The following TMEM135 variants were observed in gnomAD, a reference collection of about 807,000 sequenced individuals.
TMEM135 encodes the protein peroxisomal membrane protein 52.
TMEM135 carries 30 observed loss-of-function variants against 60.3 expected under a neutral mutation model. The ratio of observed to expected loss-of-function variants is 0.50; its 90% CI spans 0.37 to 0.68. TMEM135 has a LOEUF of 0.68. TMEM135 is among the 30% of genes least tolerant of loss of function. The pLI is 0.00. For synonymous variants in TMEM135, 190 were observed against 186.7 expected (o/e 1.02, Z -0.14); for missense variants, 468 against 548.8 (o/e 0.85, Z 1.47).
intron 6 of TMEM135, among the ~76,000 whole-genome samples, chr11:87,272,502 C>T (rs539392494): frequency 3.9e-5 from 6 of 151,906 alleles, no homozygotes; most frequent in African/African-American, 7.2e-5. Flanking sequence ...ACTCTGTCAC[C>T]CAGGCTGAAG....
rs1272726378 is a variant in TMEM135, at chr11:87,245,100, C to T, written c.509+8416C>T. ...AACATCTTTATTTCTGCCTTCATTT[C>T]GTTATGTACTCAGTAGTCATTCAGG... On this transcript the variant is annotated intron_variant, in intron 6 of 14. Transcript: ENST00000305494. Among the ~76,000 whole-genome samples, 80 of 132,708 alleles carry T rather than the reference C, an allele frequency of 6.0e-4. 1 individual carries two copies. The highest frequency in any genetic ancestry group is 1.9e-3 in the South Asian group (7 of 3,744). The allele number at this position is 132,708 out of a possible 152,430, so 87.1% of individuals were successfully genotyped here.
Position 87,325,177 on chromosome 11 carries a change from G to A in TMEM135, c.*3844G>A, listed in dbSNP as rs1339729186. The stretch of plus-strand genomic sequence containing the variant: ...AGATTCTAGGGCTTTGTAGTACTAT[G>A]TTTCTGTTTAAAGTAGTGGCCTCAG... On this transcript the variant is annotated 3_prime_UTR_variant, in exon 15 of 15. Coordinates refer to ENST00000305494, the MANE Select transcript of TMEM135 (RefSeq NM_022918.4). 3 of 454,034 alleles carry A rather than the reference G, an allele frequency of 6.6e-6. No homozygotes were observed. In the Admixed American group the frequency reaches 7.0e-5, roughly 11 times the overall value. 28.1% of individuals were successfully genotyped at this position (454,034 alleles called of 1,614,324 possible).
At chr11:87,188,231 A>G (rs1303127852) in intron 5 of TMEM135, among the ~76,000 whole-genome samples, 1 of 152,138 alleles carries the variant, frequency 6.6e-6, no homozygotes, top group Admixed American at 6.5e-5. Flanking sequence ...AATCTCATAC[A>G]GAGGGCTTTA....
At chr11:87,305,804 T>TAAATAAATAAATAAATAAATAAAG (rs1026222945) in intron 8 of TMEM135, 132 bp from the exon 9 acceptor site, 39 of 412,442 alleles carry the variant, frequency 9.5e-5, no homozygotes, top group Middle Eastern at 7.3e-4. Flanking sequence ...AATAAATAAA[T>TAAATAAATAAATAAATAAATAAAG]AAAGTGATGT....
chr11:87,091,286 T>C, intron 3 of TMEM135, 76 bp from the exon 4 acceptor site: 2 of 1,292,218 alleles, frequency 1.5e-6, no homozygotes, highest in Non-Finnish European at 2.2e-6. Flanking sequence ...ATTCTTTTTA[T>C]AGACTTCTAA....
Position 87,243,330 on chromosome 11 carries a change from A to T in TMEM135, c.509+6646A>T, listed in dbSNP as rs1441482908. 4.8e-5 allele frequency among the ~76,000 whole-genome samples: 7 copies of T among 147,146 alleles called. No individual in the cohort carries two copies. In the East Asian group the frequency reaches 1.2e-3, roughly 25 times the overall value. On this transcript the variant is annotated intron_variant, in intron 6 of 14. Transcript: ENST00000305494. ...CTTTTGGCTTAGGATTGACTTGGTG[A>T]TGCAGGCTCTTTTTTGGTTCCATAT...
At chr11:87,187,785 T>G (rs1939690192) in intron 5 of TMEM135, among the ~76,000 whole-genome samples, 1 of 152,222 alleles carries the variant, frequency 6.6e-6, no homozygotes, top group African/African-American at 2.4e-5. Flanking sequence ...CTAGCCACCA[T>G]CCAATTACAA....
intron 5 of TMEM135, among the ~76,000 whole-genome samples, chr11:87,230,629 A>T (rs571080871): frequency 6.5e-4 from 99 of 152,234 alleles, no homozygotes; most frequent in Non-Finnish European, 1.2e-3. Context: ...ATATGTGCAG[A>T]TGTATACTTT....
chr11:87,302,782 C>T (rs1942471334), intron 8 of TMEM135, among the ~76,000 whole-genome samples: 1 of 151,988 alleles, frequency 6.6e-6, no homozygotes, highest in Non-Finnish European at 1.5e-5. Flanking sequence ...AAGAAGGAAG[C>T]AAAATTCCTG....
intron 5 of TMEM135, among the ~76,000 whole-genome samples, chr11:87,224,893 T>A (rs1310812624): frequency 6.6e-6 from 1 of 152,064 alleles, no homozygotes; most frequent in East Asian, 1.9e-4. Flanking sequence ...TCTTACTATA[T>A]ATGTAAACAA....
At chr11:87,318,265 G>T in intron 13 of TMEM135, 30 bp downstream of exon 13, 2 of 1,441,412 alleles carry the variant, frequency 1.4e-6, no homozygotes, top group South Asian at 1.1e-5. Context: ...ATGAGAAATT[G>T]AATGATTCCT....
chr11:87,279,288 C>A (rs1336819796), intron 6 of TMEM135, among the ~76,000 whole-genome samples: 1 of 152,038 alleles, frequency 6.6e-6, no homozygotes, highest in Non-Finnish European at 1.5e-5. Context: ...GATGGTGTGT[C>A]TACTTCTTTT....
At chr11:87,165,659 C>T (rs1036139165) in intron 5 of TMEM135, among the ~76,000 whole-genome samples, 5 of 151,282 alleles carry the variant, frequency 3.3e-5, no homozygotes, top group Non-Finnish European at 7.4e-5. Context: ...AGCTGTGAAT[C>T]CATCTGGTCC....
intron 5 of TMEM135, among the ~76,000 whole-genome samples, chr11:87,162,575 A>G (rs964220009): frequency 5.9e-5 from 9 of 152,120 alleles, no homozygotes; most frequent in African/African-American, 2.2e-4. Context: ...GCTGCATAGT[A>G]TTCCATGGTG....
intron 4 of TMEM135, among the ~76,000 whole-genome samples, chr11:87,134,214 C>T (rs1047994620): frequency 6.6e-6 from 1 of 152,116 alleles, no homozygotes; most frequent in African/African-American, 2.4e-5. Context: ...TGTTTTCTCC[C>T]TGTGCCTTCA....
intron 7 of TMEM135, among the ~76,000 whole-genome samples, chr11:87,299,663 T>C (rs889401346): frequency 5.9e-5 from 9 of 152,206 alleles, no homozygotes; most frequent in African/African-American, 1.7e-4. Context: ...GAGCCAGATA[T>C]AGTCTCTGTT....
chr11:87,200,694 T>G (rs1405444569), intron 5 of TMEM135, among the ~76,000 whole-genome samples: 1 of 152,194 alleles, frequency 6.6e-6, no homozygotes, highest in African/African-American at 2.4e-5. Context: ...AACAAATGTA[T>G]AATGACATGT....
At chr11:87,097,342 A>C (rs748983771) in intron 4 of TMEM135, among the ~76,000 whole-genome samples, 3 of 152,120 alleles carry the variant, frequency 2.0e-5, no homozygotes, top group Non-Finnish European at 2.9e-5. Flanking sequence ...CTATACCTAA[A>C]AGCAACTGGA....
At position 87,138,230 on chromosome 11, in the gene TMEM135, A is replaced by G. The variant is rs190781253; in HGVS notation, c.397-19111A>G. Among the ~76,000 whole-genome samples, 51 of 151,892 alleles carry G rather than the reference A, an allele frequency of 3.4e-4. No individual in the cohort carries two copies. In the East Asian group the frequency reaches 9.7e-3, roughly 29 times the overall value. ...CTCAGCCTTCCAAGTAGCTGGGATT[A>G]CAGGTGCCCGCCACCACACCCGGCT... On this transcript the variant is annotated intron_variant, in intron 4 of 14. Coordinates refer to ENST00000305494, the MANE Select transcript of TMEM135 (RefSeq NM_022918.4).
Sources: gnomAD v4.1 joint callset for allele counts (sites outside exome capture counted in the v4.1 genomes callset) on GRCh38, gnomAD v4.1.1 for gene constraint, MANE v1.5 for transcripts, NCBI Gene and HGNC (gene_info 2026-07-23, HGNC 2026-07-21) for gene names.